The following BSDC1 variants were observed in gnomAD, a reference collection of about 807,000 sequenced individuals.
BSDC1 encodes BSD domain containing 1, also known as BSD domain-containing protein 1.
A neutral mutation model predicts 56.0 loss-of-function variants in BSDC1; 29 were observed. The ratio of observed to expected loss-of-function variants is 0.52; its 90% CI spans 0.39 to 0.71. The LOEUF (loss-of-function observed/expected upper bound fraction) is 0.71, where lower values mean the gene tolerates loss of function less well. Ranked by LOEUF, BSDC1 falls within the 30% of genes least tolerant of loss-of-function variation. The probability of loss-of-function intolerance (pLI) is 0.00; values close to 1 mark genes in which losing one functional copy is unlikely to be tolerated. For missense variants in BSDC1, 477 were observed against 548.5 expected (o/e 0.87, Z 1.30); for synonymous variants, 210 against 215.3 (o/e 0.98, Z 0.21).
At chr1:32,367,908 A>G in intron 10 of BSDC1, 1 of 1,018,270 alleles carries the variant, frequency 9.8e-7, no homozygotes, top group Non-Finnish European at 1.2e-6. Flanking sequence ...CAGGTTAAGT[A>G]ACTTGCCCTT....
chr1:32,384,519 T>C (rs1418265448), intron 3 of BSDC1, among the ~76,000 whole-genome samples: 2 of 152,216 alleles, frequency 1.3e-5, no homozygotes, highest in African/African-American at 4.8e-5. Context: ...GGACAATGCC[T>C]GGCACACAGC....
At chr1:32,392,263 C>T (rs750579744) in intron 2 of BSDC1, among the ~76,000 whole-genome samples, 2 of 152,062 alleles carry the variant, frequency 1.3e-5, no homozygotes, top group Admixed American at 6.6e-5. Context: ...ACTCAGGAGG[C>T]GGAAGTTGCA....
At chr1:32,384,179 G>T in intron 3 of BSDC1, 182 bp from the exon 4 acceptor site, 1 of 736,296 alleles carries the variant, frequency 1.4e-6, no homozygotes, top group Non-Finnish European at 2.2e-6. Context: ...CATCCCCCAA[G>T]TGGGGCTGCA....
intron 9 of BSDC1, among the ~76,000 whole-genome samples, chr1:32,369,654 T>TG (rs536255762): frequency 1.3e-5 from 2 of 152,228 alleles, no homozygotes; most frequent in Non-Finnish European, 2.9e-5. Context: ...TCCCTGCACC[T>TG]GGAACTCGTA....
At chr1:32,368,381 C>T (rs769517478) in intron 10 of BSDC1, 66 bp downstream of exon 10, 6 of 1,614,162 alleles carry the variant, frequency 3.7e-6, no homozygotes, top group Non-Finnish European at 1.7e-6. Context: ...GCTGGGCTGG[C>T]TGGGGAGAGC....
chr1:32,371,303 C>CTTTTTT (rs963070889), intron 9 of BSDC1, among the ~76,000 whole-genome samples: 233 of 117,860 alleles, frequency 2.0e-3, no homozygotes, highest in African/African-American at 5.3e-3. Context: ...ACTTTGTAAT[C>CTTTTTT]TTTTTTTTTT....
Position 32,365,156 on chromosome 1 carries a change from T to A in BSDC1, c.*1466A>T, listed in dbSNP as rs1393332257. 3 of 152,180 alleles carry A rather than the reference T, an allele frequency of 2.0e-5. No homozygotes were observed. The highest frequency in any genetic ancestry group is 4.4e-5 in the Non-Finnish European group (3 of 68,024). The allele number at this position is 152,180 out of a possible 1,614,324, so 9.4% of individuals were successfully genotyped here. A position where few individuals can be genotyped will look rare whatever the true frequency, so the allele number is the denominator to read the frequency against. On this transcript the variant is annotated 3_prime_UTR_variant, in exon 11 of 11. Transcript: ENST00000455895. ...CTGTTAACGGCAAGTCTGTAAAAGG[T>A]TCAGGACAAAGTTCTTTTTTCTTTC...
At chr1:32,370,211 T>C (rs776809553) in intron 9 of BSDC1, among the ~76,000 whole-genome samples, 2 of 152,142 alleles carry the variant, frequency 1.3e-5, no homozygotes, top group Non-Finnish European at 2.9e-5. Flanking sequence ...CTCCTGACCT[T>C]AGGTGATCCG....
Position 32,378,066 on chromosome 1 carries a change from G to C in BSDC1, c.598-18C>G. The C allele has an allele frequency of 6.2e-7, 1 of 1,603,442 alleles. No individual in the cohort carries two copies. The highest frequency in any genetic ancestry group is 8.5e-7 in the Non-Finnish European group (1 of 1,173,924). Reference sequence around the variant, plus strand: ...GCCTGCTCCTGAATGTGGGGGAGCAGAAGGCCACAGGCAGTCAGGGCACCC... The same window carrying C: ...GCCTGCTCCTGAATGTGGGGGAGCACAAGGCCACAGGCAGTCAGGGCACCC... On this transcript the variant is annotated intron_variant, in intron 7 of 10. Transcript: ENST00000455895. This position sits in a 1 kb window ranked among gnomAD's most constrained non-coding sequence, Gnocchi z 5.2.
intron 3 of BSDC1, 59 bp downstream of exon 3, chr1:32,386,720 G>A (rs965516976): frequency 1.6e-6 from 2 of 1,285,852 alleles, no homozygotes; most frequent in African/African-American, 1.5e-5. Flanking sequence ...AAGGTTGGGA[G>A]CCCAGGACAG....
At chr1:32,389,054 A>G in intron 2 of BSDC1, among the ~76,000 whole-genome samples, 1 of 149,136 alleles carries the variant, frequency 6.7e-6, no homozygotes, top group Non-Finnish European at 1.5e-5. Flanking sequence ...TCCCGGGTTC[A>G]TGCCATTCTC....
intron 9 of BSDC1, among the ~76,000 whole-genome samples, chr1:32,372,123 A>C (rs1482586025): frequency 6.6e-6 from 1 of 152,236 alleles, no homozygotes; most frequent in African/African-American, 2.4e-5. Flanking sequence ...CCTATTACAT[A>C]CATACACATG....
At position 32,394,424 on chromosome 1, in the gene BSDC1, A is replaced by C. The variant is rs767138439; in HGVS notation, c.-10T>G. The C allele has an allele frequency of 4.3e-6, 7 of 1,614,132 alleles. No homozygotes were observed. Among genetic ancestry groups the C allele is most frequent in the Admixed American group, 1.7e-5 (1 of 60,022 alleles). ...CTCACCCTTCCGCCATCTTGCCTGC[A>C]TGACATCACCACTATTTACTGACCT... is the stretch of plus-strand genomic sequence containing the variant. On this transcript the variant is annotated 5_prime_UTR_variant, in exon 1 of 11. The change abolishes an upstream ATG in the 5' untranslated region. Transcript: ENST00000455895.
intron 5 of BSDC1, among the ~76,000 whole-genome samples, chr1:32,380,100 C>CTTT (rs747871575): frequency 1.2e-4 from 18 of 152,282 alleles, no homozygotes; most frequent in Non-Finnish European, 2.2e-4. Flanking sequence ...GCCTTTGTGA[C>CTTT]TAAAGAGAGG....
chr1:32,369,132 C>A, intron 9 of BSDC1: 1 of 523,264 alleles, frequency 1.9e-6, no homozygotes, highest in South Asian at 1.9e-5. Context: ...GGGAATTAGA[C>A]AAGTAAACAG....
In BSDC1 at chr1:32,389,196, C is replaced by T. The variant is rs149940210; in HGVS notation, c.73-2301G>A. ...GTCTCGATCTCCTGACCTCATGATT[C>T]GCCCACCTTGGCCTCCCAATTTATC... On this transcript the variant is annotated intron_variant, in intron 2 of 10. Transcript: ENST00000455895. Among the ~76,000 whole-genome samples, 396 of 152,152 alleles carry T rather than the reference C, an allele frequency of 2.6e-3. 1 individual carries two copies. Among genetic ancestry groups the T allele is most frequent in the African/African-American group, 9.3e-3 (386 of 41,504 alleles).
chr1:32,367,639 G>A, intron 10 of BSDC1: 1 of 985,462 alleles, frequency 1.0e-6, no homozygotes, highest in Non-Finnish European at 1.2e-6. Flanking sequence ...TTAGCTGGGA[G>A]AGCTTTGGAC....
In BSDC1 at chr1:32,391,876, A is replaced by G. The variant is rs374734494; in HGVS notation, c.72+2204T>C. On this transcript the variant is annotated intron_variant, in intron 2 of 10. Transcript: ENST00000455895. ...AAGAGGTTTTCCCATCAGCCTCAGC[A>G]CTTAATAACAGCTAATGCTTATATA... 1.6e-4 allele frequency among the ~76,000 whole-genome samples: 24 copies of G among 152,338 alleles called. No homozygotes were observed. In the East Asian group the frequency reaches 4.2e-3, roughly 27 times the overall value.
Position 32,366,636 on chromosome 1 carries a change from C to T in BSDC1, c.1279G>A (p.Glu427Lys). The T allele has an allele frequency of 6.8e-7, 1 of 1,481,240 alleles. No homozygotes were observed. Among genetic ancestry groups the T allele is most frequent in the Non-Finnish European group, 9.0e-7 (1 of 1,112,520 alleles). The allele number at this position is 1,481,240 out of a possible 1,614,324, so 91.8% of individuals were successfully genotyped here. Residue 427 changes from glutamate (E) to lysine (K), a missense_variant, in exon 11 of 11, where the codon GAG becomes AAG. By Grantham distance (56) the Glu-to-Lys change is moderately conservative (BLOSUM62 1). Coordinates refer to ENST00000455895, the MANE Select transcript of BSDC1 (RefSeq NM_018045.8). ...CTCTGGCTCCCTCACTCCCAGTCCT[C>T]CCACTCTACATCTTCCAGCTGCAAA... ...ASGELEDVEW[E>K]DWE
Sources: gnomAD v4.1 joint callset for allele counts (sites outside exome capture counted in the v4.1 genomes callset) on GRCh38, gnomAD v4.1.1 for gene constraint, Gnocchi (gnomAD v3.1) non-coding constraint, MANE v1.5 for transcripts, NCBI Gene and HGNC (gene_info 2026-07-23, HGNC 2026-07-21) for gene names.